The following RAI14 variants were observed in gnomAD, a reference collection of about 807,000 sequenced individuals.
The protein encoded by RAI14 is retinoic acid induced 14, also known as ankycorbin.
Under a neutral mutation model 115.4 loss-of-function variants are expected in RAI14, and 45 were observed. The ratio of observed to expected loss-of-function variants is 0.39; its 90% CI spans 0.31 to 0.50. The LOEUF is 0.50. Ranked by LOEUF, RAI14 falls within the 20% of genes least tolerant of loss-of-function variation. The pLI, the probability that RAI14 is intolerant of heterozygous loss-of-function variation, is 0.85. For missense variants in RAI14, 939 were observed against 1,131.2 expected, an observed-to-expected ratio of 0.83 and a Z score of 2.44; for synonymous variants, 371 against 415.4, an observed-to-expected ratio of 0.89 and a Z score of 1.30.
intron 3 of RAI14, among the ~76,000 whole-genome samples, chr5:34,795,033 G>A (rs1753345074): frequency 6.6e-6 from 1 of 152,218 alleles, no homozygotes; most frequent in Non-Finnish European, 1.5e-5. Flanking sequence ...GATGGCAACT[G>A]AGAGAAGGGA....
chr5:34,697,598 C>T (rs1739426049), intron 2 of RAI14, among the ~76,000 whole-genome samples: 1 of 152,126 alleles, frequency 6.6e-6, no homozygotes, highest in African/African-American at 2.4e-5. Flanking sequence ...TTTTTAAGTA[C>T]ACCATTTTAC....
intron 2 of RAI14, among the ~76,000 whole-genome samples, chr5:34,725,488 T>A (rs1465188345): frequency 6.6e-6 from 1 of 151,896 alleles, no homozygotes; most frequent in African/African-American, 2.4e-5. Flanking sequence ...GGGAAGACTC[T>A]CCCACCCCCT....
Position 34,818,778 on chromosome 5 carries a change from C to T in RAI14, c.940-19C>T, listed in dbSNP as rs746418682. The T allele has an allele frequency of 3.1e-6, 5 of 1,595,908 alleles. No homozygotes were observed. The highest frequency in any genetic ancestry group is 2.3e-5 in the South Asian group (2 of 88,736). On this transcript the variant is annotated intron_variant, in intron 12 of 17. Coordinates refer to ENST00000265109, the MANE Select transcript of RAI14 (RefSeq NM_015577.3). ...TTACATTTAGAAATGTTCTTTAAGTCATTTTTGTGTTTCAATAGGCTGAGA... is the reference window on the plus strand; with the variant it reads ...TTACATTTAGAAATGTTCTTTAAGTTATTTTTGTGTTTCAATAGGCTGAGA...
intron 3 of RAI14, among the ~76,000 whole-genome samples, chr5:34,794,076 T>C (rs1753227900): frequency 6.6e-6 from 1 of 152,206 alleles, no homozygotes; most frequent in Non-Finnish European, 1.5e-5. Flanking sequence ...GAGGAATTAT[T>C]GCACTGCCAG....
chr5:34,716,938 C>T (rs982247031), intron 2 of RAI14: 7 of 152,188 alleles, frequency 4.6e-5, no homozygotes, highest in African/African-American at 1.7e-4. Flanking sequence ...GCTGCAGCCT[C>T]ATCCCCCTCA....
intron 1 of RAI14, among the ~76,000 whole-genome samples, chr5:34,681,428 CAT>C (rs979438959): frequency 6.6e-6 from 1 of 152,104 alleles, no homozygotes; most frequent in African/African-American, 2.4e-5. Flanking sequence ...TTTAGGGGCA[CAT>C]GTTAGTTAGT....
At chr5:34,662,302 GC>G (rs1742752035) in intron 1 of RAI14, among the ~76,000 whole-genome samples, 1 of 152,154 alleles carries the variant, frequency 6.6e-6, no homozygotes, top group South Asian at 2.1e-4. Flanking sequence ...TCTAAGAATT[GC>G]CACATCGTAC....
intron 2 of RAI14, among the ~76,000 whole-genome samples, chr5:34,735,882 A>C (rs888028306): frequency 6.6e-6 from 1 of 152,216 alleles, no homozygotes; most frequent in African/African-American, 2.4e-5. Context: ...CGAGTTAGGA[A>C]ACTTGGCTGT....
intron 2 of RAI14, among the ~76,000 whole-genome samples, chr5:34,748,073 G>T (rs1561306137): frequency 6.6e-6 from 1 of 152,230 alleles, no homozygotes; most frequent in Non-Finnish European, 1.5e-5. Flanking sequence ...GCTTGCTGAA[G>T]TGGGTAGGGC....
In RAI14 at chr5:34,796,151, C is replaced by T. The variant is rs971552878; in HGVS notation, c.256+124C>T. The T allele has an allele frequency of 1.7e-5, 12 of 720,672 alleles. No individual in the cohort carries two copies. The Admixed American group carries it at 2.6e-4, about 16-fold the overall frequency. The allele number at this position is 720,672 out of a possible 1,614,324, so 44.6% of individuals were successfully genotyped here. A position where few individuals can be genotyped will look rare whatever the true frequency, so the allele number is the denominator to read the frequency against. ...TAACTCATCCTGTAATTACAGCACT[C>T]TGCGAGGGTGAGGTGTGTGGATCAC... On this transcript the variant is annotated intron_variant, in intron 4 of 17. Transcript: ENST00000265109.
intron 2 of RAI14, among the ~76,000 whole-genome samples, chr5:34,748,627 T>G (rs1561306818): frequency 1.3e-5 from 2 of 152,132 alleles, no homozygotes; most frequent in South Asian, 4.1e-4. Context: ...AATATCCTAT[T>G]TTGCATTGTT....
chr5:34,693,657 G>T (rs1738898823), intron 2 of RAI14, among the ~76,000 whole-genome samples: 1 of 152,224 alleles, frequency 6.6e-6, no homozygotes. Flanking sequence ...CGCACATTTG[G>T]TAAATAACAG....
chr5:34,784,186 G>T (rs1580249457), intron 3 of RAI14, among the ~76,000 whole-genome samples: 1 of 152,186 alleles, frequency 6.6e-6, no homozygotes, highest in Non-Finnish European at 1.5e-5. Context: ...ACATTAATGG[G>T]CATATTAAAA....
intron 3 of RAI14, among the ~76,000 whole-genome samples, chr5:34,768,502 G>A (rs1749717959): frequency 6.6e-6 from 1 of 152,114 alleles, no homozygotes; most frequent in Non-Finnish European, 1.5e-5. Context: ...TTACGAAGAG[G>A]GAAGTGGGGA....
At chr5:34,660,239 C>T (rs572243579) in intron 1 of RAI14, among the ~76,000 whole-genome samples, 1 of 151,834 alleles carries the variant, frequency 6.6e-6, no homozygotes, top group Non-Finnish European at 1.5e-5. Flanking sequence ...TCGAGACCAG[C>T]CTGACCAACA....
At chr5:34,693,839 A>G (rs1389696679) in intron 2 of RAI14, among the ~76,000 whole-genome samples, 3 of 152,226 alleles carry the variant, frequency 2.0e-5, no homozygotes, top group Non-Finnish European at 4.4e-5. Flanking sequence ...GTGATTTTAC[A>G]TCACCACAAG....
intron 2 of RAI14, among the ~76,000 whole-genome samples, chr5:34,753,079 T>C (rs1747342510): frequency 6.6e-6 from 1 of 152,172 alleles, no homozygotes; most frequent in Non-Finnish European, 1.5e-5. Context: ...ACTATACAGC[T>C]TTCATAGAGT....
chr5:34,806,455 G>A (rs984648420), intron 5 of RAI14, among the ~76,000 whole-genome samples: 6 of 152,282 alleles, frequency 3.9e-5, no homozygotes, highest in South Asian at 2.1e-4. Flanking sequence ...CTGGGGAGAC[G>A]TGCCAGGAGG....
intron 2 of RAI14, among the ~76,000 whole-genome samples, chr5:34,755,221 G>A (rs1213806750): frequency 6.6e-6 from 1 of 152,144 alleles, no homozygotes; most frequent in East Asian, 1.9e-4. Flanking sequence ...ACAAATGATG[G>A]TGTGAGGAAC....
Sources: allele counts gnomAD v4.1 joint callset (sites outside exome capture counted in the v4.1 genomes callset), GRCh38; gene constraint gnomAD v4.1.1; transcripts MANE v1.5; gene names NCBI Gene and HGNC (gene_info 2026-07-23, HGNC 2026-07-21).